Variants in SCTR observed in about 807,000 individuals in gnomAD.
SCTR encodes the protein secretin receptor, also known as pancreatic secretin receptor.
A neutral mutation model predicts 60.8 loss-of-function variants in SCTR; 56 were observed. The observed-to-expected ratio is 0.92, with a 90% CI of 0.74 to 1.15. The LOEUF is 1.15. Ranked by LOEUF, SCTR falls within the 50% of genes most tolerant of loss-of-function variation. SCTR has a pLI of 0.00. For synonymous variants in SCTR, 202 were observed against 217.0 expected (o/e 0.93, Z 0.61); for missense variants, 562 against 550.4 (o/e 1.02, Z -0.21).
intron 1 of SCTR, among the ~76,000 whole-genome samples, chr2:119,495,771 A>G (rs920338): frequency 0.83 from 126,507 of 152,064 alleles, 52,685 homozygotes; most frequent in East Asian, 0.87. Context: ...CAACTGACCA[A>G]GGTTTATGTT....
Position 119,465,594 on chromosome 2 carries a change from A to C in SCTR, c.503+195T>G, listed in dbSNP as rs189047915. Reference sequence around the variant, plus strand: ...CGGCCGCAAGTTCTCAGTAGTGCTTAGTAAATGTTGAAAAAATAAAGGGAT... The same window carrying C: ...CGGCCGCAAGTTCTCAGTAGTGCTTCGTAAATGTTGAAAAAATAAAGGGAT... On this transcript the variant is annotated intron_variant, in intron 5 of 12. Coordinates refer to ENST00000019103, the MANE Select transcript of SCTR (RefSeq NM_002980.3). Among the ~76,000 whole-genome samples the C allele has an allele frequency of 4.0e-3, 607 of 152,332 alleles. 14 individuals are homozygous for C. Among genetic ancestry groups the C allele is most frequent in the Admixed American group, 0.027 (416 of 15,296 alleles).
intron 1 of SCTR, among the ~76,000 whole-genome samples, chr2:119,510,066 T>C (rs1678881999): frequency 6.6e-6 from 1 of 152,060 alleles, no homozygotes; most frequent in East Asian, 1.9e-4. Flanking sequence ...ACATGTGCCA[T>C]GTTGGTTTGC....
chr2:119,475,756 G>A (rs890768057), intron 3 of SCTR, among the ~76,000 whole-genome samples: 1 of 149,614 alleles, frequency 6.7e-6, no homozygotes, highest in African/African-American at 2.4e-5. Flanking sequence ...ATATATTTAT[G>A]CAGTTCGGGG....
rs139216208 is a variant in SCTR, at chr2:119,494,378, G to A, written c.193+50C>T. 9.7e-4 allele frequency: 1,548 copies of A among 1,595,216 alleles called. 21 individuals are homozygous for A. The East Asian group carries it at 0.028, about 29-fold the overall frequency. ...TAAGCTCCCCCTGCCCAGCAGGACC[G>A]GACATGCTCCACCCCCAAGAGAGGA... On this transcript the variant is annotated intron_variant, in intron 2 of 12. Transcript: ENST00000019103.
chr2:119,476,848 C>T (rs2587707), intron 3 of SCTR: 93,827 of 152,048 alleles, frequency 0.62, 29,677 homozygotes, highest in Non-Finnish European at 0.69. Context: ...TGACCTTGCA[C>T]CTGACCAGCC....
chr2:119,512,012 T>C (rs1328672840), intron 1 of SCTR, among the ~76,000 whole-genome samples: 3 of 152,162 alleles, frequency 2.0e-5, no homozygotes, highest in South Asian at 2.1e-4. Flanking sequence ...TCCCTAGATA[T>C]ATGTAAGATT....
intron 4 of SCTR, among the ~76,000 whole-genome samples, chr2:119,471,100 T>G (rs898210324): frequency 3.3e-5 from 5 of 152,218 alleles, no homozygotes; most frequent in Admixed American, 6.5e-5. Context: ...CAGACCCTGG[T>G]GATTCTGTGG....
chr2:119,493,294 T>C (rs1428712184), intron 2 of SCTR, among the ~76,000 whole-genome samples: 1 of 152,212 alleles, frequency 6.6e-6, no homozygotes, highest in Non-Finnish European at 1.5e-5. Flanking sequence ...CCACATTTTG[T>C]TTATCCATTC....
chr2:119,453,171 T>C (rs1256976804), intron 8 of SCTR, 116 bp downstream of exon 8: 1 of 774,406 alleles, frequency 1.3e-6, no homozygotes, highest in African/African-American at 1.7e-5. Flanking sequence ...AACTCATCTG[T>C]GGCCTCTACT....
chr2:119,495,731 C>G (rs1318123373), intron 1 of SCTR, among the ~76,000 whole-genome samples: 1 of 152,186 alleles, frequency 6.6e-6, no homozygotes, highest in Non-Finnish European at 1.5e-5. Flanking sequence ...CCAGCTGCAG[C>G]AACTGCTCCT....
At chr2:119,477,451 TTG>T (rs1385904547) in intron 3 of SCTR, among the ~76,000 whole-genome samples, 2 of 151,922 alleles carry the variant, frequency 1.3e-5, no homozygotes, top group Non-Finnish European at 2.9e-5. Context: ...GTTTGTTTGT[TTG>T]TTTGTTTGTT....
chr2:119,505,077 T>C (rs1412780495), intron 1 of SCTR, among the ~76,000 whole-genome samples: 2 of 152,152 alleles, frequency 1.3e-5, no homozygotes, highest in East Asian at 3.9e-4. Flanking sequence ...TTTACACTGT[T>C]GGTGGAACTG....
Position 119,465,774 on chromosome 2 carries a change from GC to G in SCTR, c.503+14del. ...AGGAGGGCTGGGGTATGGAGAGCTG[GC>G]AGTGTGTTCTCACCGGAAAGCACAG... is the stretch of plus-strand genomic sequence containing the variant. On this transcript the variant is annotated intron_variant, in intron 5 of 12. Transcript: ENST00000019103. 1 of 1,567,000 alleles carries G rather than the reference GC, an allele frequency of 6.4e-7. No homozygotes were observed. The highest frequency in any genetic ancestry group is 2.2e-5 in the East Asian group (1 of 44,636).
At chr2:119,500,354 A>G (rs900845431) in intron 1 of SCTR, among the ~76,000 whole-genome samples, 1 of 152,248 alleles carries the variant, frequency 6.6e-6, no homozygotes, top group Non-Finnish European at 1.5e-5. Context: ...CATATGATCC[A>G]GGAATTTCAC....
At chr2:119,451,160 C>T (rs1683150698) in intron 9 of SCTR, among the ~76,000 whole-genome samples, 1 of 152,156 alleles carries the variant, frequency 6.6e-6, no homozygotes. Flanking sequence ...TGAGCCTGCA[C>T]AGGACACTCA....
chr2:119,498,418 A>G (rs1280215058), intron 1 of SCTR, among the ~76,000 whole-genome samples: 1 of 152,186 alleles, frequency 6.6e-6, no homozygotes, highest in Non-Finnish European at 1.5e-5. Flanking sequence ...AAACTGTAAC[A>G]TTAGCAAGGA....
In SCTR at chr2:119,524,277, T is replaced by C. The variant is rs1679382811; in HGVS notation, c.-51A>G. 8.0e-7 allele frequency: 1 copy of C among 1,250,068 alleles called. No individual in the cohort carries two copies. Among genetic ancestry groups the C allele is most frequent in the Non-Finnish European group, 1.0e-6 (1 of 956,154 alleles). 77.4% of individuals were successfully genotyped at this position (1,250,068 alleles called of 1,614,324 possible). A position where few individuals can be genotyped will look rare whatever the true frequency, so the allele number is the denominator to read the frequency against. On this transcript the variant is annotated 5_prime_UTR_variant, in exon 1 of 13. Transcript: ENST00000019103. ...CCCCGACGTCCGCCTGCCCGTGCCC[T>C]CTGCCCGCTCGGGAGCTCAGCGCCC...
chr2:119,508,951 CTT>C (rs1558880533), intron 1 of SCTR, among the ~76,000 whole-genome samples: 2 of 152,168 alleles, frequency 1.3e-5, no homozygotes, highest in Non-Finnish European at 2.9e-5. Flanking sequence ...GTAACTCAGA[CTT>C]AGGAAATTTA....
chr2:119,492,943 T>A (rs1422204507), intron 2 of SCTR, among the ~76,000 whole-genome samples: 2 of 152,044 alleles, frequency 1.3e-5, no homozygotes, highest in East Asian at 3.9e-4. Flanking sequence ...CTGCAGCCTC[T>A]ACCTCCCGTG....
Sources: allele counts gnomAD v4.1 joint callset (sites outside exome capture counted in the v4.1 genomes callset), GRCh38; gene constraint gnomAD v4.1.1; transcripts MANE v1.5; gene names NCBI Gene and HGNC (gene_info 2026-07-23, HGNC 2026-07-21).